The following NAALADL2 variants were observed in gnomAD, a reference collection of about 807,000 sequenced individuals.
NAALADL2 encodes inactive N-acetylated-alpha-linked acidic dipeptidase-like protein 2.
Under a neutral mutation model 87.2 loss-of-function variants are expected in NAALADL2, and 76 were observed. The ratio of observed to expected loss-of-function variants is 0.87; its 90% CI spans 0.72 to 1.05. NAALADL2 has a LOEUF of 1.05. NAALADL2 is among the 50% of genes least tolerant of loss of function. The pLI, the probability that NAALADL2 is intolerant of heterozygous loss-of-function variation, is 0.00. For missense variants in NAALADL2, 1,089 were observed against 945.8 expected (o/e 1.15, Z -1.99); for synonymous variants, 354 against 331.0 (o/e 1.07, Z -0.75).
intron 1 of NAALADL2, among the ~76,000 whole-genome samples, chr3:174,509,885 G>T (rs1719485075): frequency 6.6e-6 from 1 of 152,032 alleles, no homozygotes. Flanking sequence ...ATGCAGTGCA[G>T]TCCTTAACAG....
chr3:174,641,778 C>T lies in NAALADL2; in HGVS notation c.-115+91141C>T, dbSNP rs147119712. 1.4e-3 allele frequency among the ~76,000 whole-genome samples: 211 copies of T among 152,096 alleles called. 2 individuals are homozygous for T. The highest frequency in any genetic ancestry group is 4.8e-3 in the African/African-American group (199 of 41,482). Reference sequence around the variant, plus strand: ...TTTCAGAAATTTTTTTTTGTAGAGACAGGGTCTTGTTCTGTCACCCAGGGT... The same window carrying T: ...TTTCAGAAATTTTTTTTTGTAGAGATAGGGTCTTGTTCTGTCACCCAGGGT... On this transcript the variant is annotated intron_variant, in intron 2 of 3. Transcript: ENST00000434257.
chr3:175,414,523 AAT>A (rs34606006), intron 5 of NAALADL2, among the ~76,000 whole-genome samples: 86,187 of 151,746 alleles, frequency 0.57, 25,145 homozygotes, highest in East Asian at 0.66. Context: ...CTCTTTCAAT[AAT>A]ATTGAATATT....
chr3:174,939,417 G>A (rs4464469), intron 1 of NAALADL2, among the ~76,000 whole-genome samples: 1,997 of 152,150 alleles, frequency 0.013, 44 homozygotes, highest in African/African-American at 0.046. Context: ...TAGCCCTGAA[G>A]TATAGTTTGA....
chr3:175,726,446 G>A (rs1448459664), intron 11 of NAALADL2, among the ~76,000 whole-genome samples: 1 of 152,146 alleles, frequency 6.6e-6, no homozygotes, highest in Non-Finnish European at 1.5e-5. Flanking sequence ...CCTCCATGGA[G>A]CAATGCCCAA....
At chr3:174,708,305 A>T (rs181339241) in intron 2 of NAALADL2, among the ~76,000 whole-genome samples, 68 of 152,302 alleles carry the variant, frequency 4.5e-4, no homozygotes, top group African/African-American at 1.6e-3. Context: ...AACTCCCCTC[A>T]ATCAAACAGA....
At chr3:174,528,590 C>A (rs1373921420) in intron 1 of NAALADL2, among the ~76,000 whole-genome samples, 2 of 152,168 alleles carry the variant, frequency 1.3e-5, no homozygotes, top group Non-Finnish European at 2.9e-5. Flanking sequence ...AGTGCCACTG[C>A]ACTCCAGCCT....
intron 1 of NAALADL2, among the ~76,000 whole-genome samples, chr3:174,864,513 T>G (rs2109559185): frequency 6.6e-6 from 1 of 152,160 alleles, no homozygotes; most frequent in South Asian, 2.1e-4. Context: ...AGGGAAACAT[T>G]TTACATTTCA....
chr3:174,468,652 A>T (rs1475438183), intron 1 of NAALADL2, among the ~76,000 whole-genome samples: 2 of 151,622 alleles, frequency 1.3e-5, no homozygotes, highest in Admixed American at 1.3e-4. Context: ...AAGTGCTGGG[A>T]TTACAGGTGT....
rs577857635 is a variant in NAALADL2, at chr3:175,714,399, C to G, written c.1897-22907C>G. Among the ~76,000 whole-genome samples, 230 of 152,200 alleles carry G rather than the reference C, an allele frequency of 1.5e-3. 1 individual carries two copies. Among genetic ancestry groups the G allele is most frequent in the African/African-American group, 5.2e-3 (215 of 41,534 alleles). The stretch of plus-strand genomic sequence containing the variant: ...ACATCCTCTCCAGCATCTGTTGTTT[C>G]CTGACTTTTTAATGATCACCATTCC... On this transcript the variant is annotated intron_variant, in intron 11 of 13. Transcript: ENST00000454872.
At chr3:174,521,465 G>A (rs1578075013) in intron 1 of NAALADL2, among the ~76,000 whole-genome samples, 1 of 151,158 alleles carries the variant, frequency 6.6e-6, no homozygotes, top group Non-Finnish European at 1.5e-5. Context: ...ACTCAGAAGG[G>A]TGAGGCACAA....
intron 1 of NAALADL2, chr3:174,459,313 G>A (rs1716051911): frequency 6.6e-6 from 1 of 152,166 alleles, no homozygotes; most frequent in Non-Finnish European, 1.5e-5. Context: ...AAAGGCCCAG[G>A]TGAAGCCTGT....
At chr3:174,612,196 C>T (rs909067755) in intron 2 of NAALADL2, among the ~76,000 whole-genome samples, 1 of 152,032 alleles carries the variant, frequency 6.6e-6, no homozygotes, top group African/African-American at 2.4e-5. Flanking sequence ...TACTGTTTTT[C>T]TCCTCTTGCT....
At chr3:175,553,839 G>T (rs1714833758) in intron 9 of NAALADL2, among the ~76,000 whole-genome samples, 1 of 151,778 alleles carries the variant, frequency 6.6e-6, no homozygotes, top group South Asian at 2.1e-4. Flanking sequence ...ATTAATTTGA[G>T]AAATATTTAT....
At chr3:175,681,576 T>A (rs1274141785) in intron 11 of NAALADL2, among the ~76,000 whole-genome samples, 1 of 152,212 alleles carries the variant, frequency 6.6e-6, no homozygotes, top group East Asian at 1.9e-4. Flanking sequence ...CTTTCTTAGA[T>A]GAATCTAAAA....
At chr3:175,433,692 G>A (rs966906905) in intron 5 of NAALADL2, among the ~76,000 whole-genome samples, 12 of 151,836 alleles carry the variant, frequency 7.9e-5, no homozygotes, top group African/African-American at 2.9e-4. Context: ...TTTATCCCTA[G>A]CCTTTTTTTT....
chr3:175,154,600 G>A (rs537733997), intron 2 of NAALADL2, among the ~76,000 whole-genome samples: 21 of 152,164 alleles, frequency 1.4e-4, no homozygotes, highest in African/African-American at 5.1e-4. Context: ...GTGTATACTT[G>A]CTTGTTTTCA....
intron 13 of NAALADL2, among the ~76,000 whole-genome samples, chr3:175,780,207 C>T (rs1444453017): frequency 9.3e-5 from 14 of 151,176 alleles, no homozygotes; most frequent in South Asian, 8.4e-4. Flanking sequence ...ATCCAGGAGG[C>T]GGAGCTTGCA....
At chr3:175,358,709 T>A (rs754510482) in intron 5 of NAALADL2, among the ~76,000 whole-genome samples, 3 of 152,196 alleles carry the variant, frequency 2.0e-5, no homozygotes, top group Non-Finnish European at 4.4e-5. Flanking sequence ...AGGTAATAGT[T>A]CATGACAAGA....
intron 11 of NAALADL2, among the ~76,000 whole-genome samples, chr3:175,654,255 T>C (rs2088611709): frequency 6.6e-6 from 1 of 152,168 alleles, no homozygotes; most frequent in South Asian, 2.1e-4. Context: ...TTTTCTAGAA[T>C]GGGACACATT....
Sources: allele counts gnomAD v4.1 joint callset (sites outside exome capture counted in the v4.1 genomes callset), GRCh38; gene constraint gnomAD v4.1.1; transcripts MANE v1.5; gene names NCBI Gene and HGNC (gene_info 2026-07-23, HGNC 2026-07-21).